The following AGAP1 variants were observed in gnomAD, a reference collection of about 807,000 sequenced individuals.
AGAP1 encodes arf-GAP with GTPase, ANK repeat and PH domain-containing protein 1.
AGAP1 carries 29 observed loss-of-function variants against 105.3 expected under a neutral mutation model. That is an observed-to-expected ratio of 0.28 (90% CI 0.21 to 0.38). AGAP1 has a LOEUF of 0.38. Ranked by LOEUF, AGAP1 falls within the 10% of genes least tolerant of loss-of-function variation. The probability of loss-of-function intolerance (pLI) is 1.00; values close to 1 mark genes in which losing one functional copy is unlikely to be tolerated. For synonymous variants in AGAP1, 509 were observed against 485.9 expected (o/e 1.05, Z -0.63); for missense variants, 998 against 1,165.1 (o/e 0.86, Z 2.09).
At position 235,582,835 on chromosome 2, in the gene AGAP1, T is replaced by C. The variant is rs1180070833; in HGVS notation, c.163+87986T>C. ...CCTTATGCTGCATTTCCTAAAGTGCTTTCTAGCACTGACCGACTCCAGGAG... is the reference window on the plus strand; with the variant it reads ...CCTTATGCTGCATTTCCTAAAGTGCCTTCTAGCACTGACCGACTCCAGGAG... On this transcript the variant is annotated intron_variant, in intron 1 of 17. Coordinates refer to ENST00000304032, the MANE Select transcript of AGAP1 (RefSeq NM_001037131.3). This position sits in a 1 kb window ranked among gnomAD's most constrained non-coding sequence, Gnocchi z 4.7. 2.6e-5 allele frequency among the ~76,000 whole-genome samples: 4 copies of C among 152,224 alleles called. No individual in the cohort carries two copies. The highest frequency in any genetic ancestry group is 2.6e-4 in the Admixed American group (4 of 15,288).
Position 236,062,519 on chromosome 2 carries a change from AG to A in AGAP1, c.2114+13240del, listed in dbSNP as rs1033729355. Among the ~76,000 whole-genome samples the A allele has an allele frequency of 1.3e-5, 2 of 152,056 alleles. No homozygotes were observed. The highest frequency in any genetic ancestry group is 2.9e-5 in the Non-Finnish European group (2 of 68,032). On this transcript the variant is annotated intron_variant, in intron 16 of 17. Transcript: ENST00000304032. This position sits in a 1 kb window ranked among gnomAD's most constrained non-coding sequence, Gnocchi z 4.2. ...GAAACAGAATCTCACTCTATCACAC[AG>A]GCTTGAATGCAGTGGCATGATCATA...
At chr2:235,497,695 C>T (rs922722454) in intron 1 of AGAP1, among the ~76,000 whole-genome samples, 4 of 152,196 alleles carry the variant, frequency 2.6e-5, no homozygotes, top group Non-Finnish European at 4.4e-5. Context: ...CCCGGGTTCA[C>T]GCCATTCTCC....
chr2:235,776,454 G>C (rs1449047377), intron 6 of AGAP1, among the ~76,000 whole-genome samples: 1 of 152,200 alleles, frequency 6.6e-6, no homozygotes, highest in Non-Finnish European at 1.5e-5. Flanking sequence ...AGCTCAGATA[G>C]GATTCTTTCC....
At position 235,535,596 on chromosome 2, in the gene AGAP1, C is replaced by A. The variant is rs1436414629; in HGVS notation, c.163+40747C>A. ...GGAACGGTGGCGGGGCCAAAGGTTT[C>A]CTCAAAGACCCTGGGGGCCGGGCGG... On this transcript the variant is annotated intron_variant, in intron 1 of 17. Coordinates refer to ENST00000304032, the MANE Select transcript of AGAP1 (RefSeq NM_001037131.3). The surrounding 1 kb of genome is among the most constrained non-coding windows in gnomAD (Gnocchi z 5.1). Among the ~76,000 whole-genome samples, 1 of 152,000 alleles carries A rather than the reference C, an allele frequency of 6.6e-6. No individual in the cohort carries two copies. Among genetic ancestry groups the A allele is most frequent in the Non-Finnish European group, 1.5e-5 (1 of 67,992 alleles).
chr2:235,884,037 A>G (rs1359816853), intron 10 of AGAP1, among the ~76,000 whole-genome samples: 1 of 152,238 alleles, frequency 6.6e-6, no homozygotes. Flanking sequence ...AGAAATGCAG[A>G]CGTTCTACCC....
intron 9 of AGAP1, among the ~76,000 whole-genome samples, chr2:235,840,280 CGCTGTCCATTCTGATGGCTTCAGTG>C (rs1428308737): frequency 1.3e-5 from 2 of 150,354 alleles, no homozygotes; most frequent in Non-Finnish European, 3.0e-5. Context: ...TGGCTTCAGC[CGCTGTCCATTCTGATGGCTTCAGTG>C]GACATTGCAG....
At chr2:235,713,884 C>G (rs1013396537) in intron 2 of AGAP1, among the ~76,000 whole-genome samples, 2 of 152,208 alleles carry the variant, frequency 1.3e-5, no homozygotes, top group Non-Finnish European at 2.9e-5. Context: ...TGTGTCCTCA[C>G]GTGGAGGAAG....
chr2:235,755,090 G>A (rs1953807094), intron 6 of AGAP1, among the ~76,000 whole-genome samples: 1 of 152,114 alleles, frequency 6.6e-6, no homozygotes, highest in South Asian at 2.1e-4. Flanking sequence ...CTGGGGAAGG[G>A]AGGCACTGGG....
At position 236,003,375 on chromosome 2, in the gene AGAP1, C is replaced by G. The variant is rs1415520537; in HGVS notation, c.1646-33186C>G. Reference sequence around the variant, plus strand: ...TGCTTTCTTTTCATGGGTCTTTGTCCTTTGGAGGGCCTTGACCTCACGCAG... The same window carrying G: ...TGCTTTCTTTTCATGGGTCTTTGTCGTTTGGAGGGCCTTGACCTCACGCAG... On this transcript the variant is annotated intron_variant, in intron 13 of 17. Transcript: ENST00000304032. This position sits in a 1 kb window ranked among gnomAD's most constrained non-coding sequence, Gnocchi z 4.2. 6.6e-6 allele frequency among the ~76,000 whole-genome samples: 1 copy of G among 152,188 alleles called. No homozygotes were observed. Among genetic ancestry groups the G allele is most frequent in the East Asian group, 1.9e-4 (1 of 5,192 alleles).
rs772555126 is a variant in AGAP1, at chr2:235,601,920, G to A, written c.163+107071G>A. ...TGCAGTAACCTCTTAGCGGGCCTCC[G>A]TGCCCCATCCCAAAAGGTCCATTCT... is the stretch of plus-strand genomic sequence containing the variant. On this transcript the variant is annotated intron_variant, in intron 1 of 17. Coordinates refer to ENST00000304032, the MANE Select transcript of AGAP1 (RefSeq NM_001037131.3). The surrounding 1 kb of genome is among the most constrained non-coding windows in gnomAD (Gnocchi z 4.4). Among the ~76,000 whole-genome samples the A allele has an allele frequency of 3.3e-5, 5 of 152,086 alleles. No homozygotes were observed. The highest frequency in any genetic ancestry group is 7.4e-5 in the Non-Finnish European group (5 of 68,010).
chr2:235,783,974 A>G (rs1006345286), intron 6 of AGAP1, among the ~76,000 whole-genome samples: 1 of 147,902 alleles, frequency 6.8e-6, no homozygotes, highest in Non-Finnish European at 1.5e-5. Context: ...GGACGGACGG[A>G]CGGACGGATG....
At chr2:235,804,601 A>AG (rs1344309041) in intron 8 of AGAP1, among the ~76,000 whole-genome samples, 1 of 152,216 alleles carries the variant, frequency 6.6e-6, no homozygotes, top group African/African-American at 2.4e-5. Flanking sequence ...TCCTGTAGGC[A>AG]GGTAGTTAGT....
At position 235,689,428 on chromosome 2, in the gene AGAP1, T is replaced by C. The variant is rs1324446774; in HGVS notation, c.164-19751T>C. On this transcript the variant is annotated intron_variant, in intron 1 of 17. Transcript: ENST00000304032. This position sits in a 1 kb window ranked among gnomAD's most constrained non-coding sequence, Gnocchi z 4.2. ...AAGTAGTGCACTGATTATGTTTCCA[T>C]TACACCATAGAACATAACAATTTTG... 6.6e-6 allele frequency among the ~76,000 whole-genome samples: 1 copy of C among 152,232 alleles called. No homozygotes were observed. Among genetic ancestry groups the C allele is most frequent in the Non-Finnish European group, 1.5e-5 (1 of 68,050 alleles).
intron 9 of AGAP1, among the ~76,000 whole-genome samples, chr2:235,837,029 G>A (rs1415302324): frequency 5.3e-5 from 8 of 152,246 alleles, no homozygotes; most frequent in Middle Eastern, 3.4e-3. Flanking sequence ...CTTGTTGCCC[G>A]GTCTGGAGTG....
rs28481377 is a variant in AGAP1, at chr2:235,994,954, C to T, written c.1645+26331C>T. 9.6e-4 allele frequency among the ~76,000 whole-genome samples: 143 copies of T among 148,664 alleles called. No individual in the cohort carries two copies. The highest frequency in any genetic ancestry group is 1.7e-3 in the Non-Finnish European group (118 of 67,484). The stretch of plus-strand genomic sequence containing the variant: ...TGGTGGTAGGCGCCTGTAATCGCAG[C>T]TACTTGGGAGGCTGAGGCAAGAGAA... On this transcript the variant is annotated intron_variant, in intron 13 of 17. Coordinates refer to ENST00000304032, the MANE Select transcript of AGAP1 (RefSeq NM_001037131.3). This position sits in a 1 kb window ranked among gnomAD's most constrained non-coding sequence, Gnocchi z 4.4.
intron 13 of AGAP1, among the ~76,000 whole-genome samples, chr2:235,997,701 G>A (rs779579030): frequency 2.0e-5 from 3 of 152,130 alleles, no homozygotes; most frequent in Admixed American, 1.3e-4. Context: ...AGCGCAGTCC[G>A]TCTCCAGAAT....
intron 13 of AGAP1, among the ~76,000 whole-genome samples, chr2:235,986,438 C>G (rs1485985700): frequency 2.6e-5 from 4 of 152,190 alleles, no homozygotes; most frequent in African/African-American, 9.6e-5. Context: ...TTGATTTCCT[C>G]TCTTCCTATC....
chr2:235,638,823 G>A (rs1008055152), intron 1 of AGAP1, among the ~76,000 whole-genome samples: 3 of 152,224 alleles, frequency 2.0e-5, no homozygotes, highest in African/African-American at 7.2e-5. Context: ...GGCCTCAGGG[G>A]TCTTCAGCCT....
intron 13 of AGAP1, among the ~76,000 whole-genome samples, chr2:235,974,053 G>A (rs2054761881): frequency 1.3e-5 from 2 of 152,190 alleles, no homozygotes; most frequent in African/African-American, 4.8e-5. Context: ...CCCATTCTGT[G>A]GCCCCGAACC....
Sources: gnomAD v4.1 joint callset for allele counts (sites outside exome capture counted in the v4.1 genomes callset) on GRCh38, gnomAD v4.1.1 for gene constraint, Gnocchi (gnomAD v3.1) non-coding constraint, MANE v1.5 for transcripts, NCBI Gene and HGNC (gene_info 2026-07-23, HGNC 2026-07-21) for gene names.